PSME3IP1: variants seen among roughly 807,000 people sequenced by gnomAD.
The protein encoded by PSME3IP1 is PSME3-interacting protein.
In PSME3IP1, 13 loss-of-function variants were observed where a neutral mutation model predicts 34.1. That is an observed-to-expected ratio of 0.38 (90% CI 0.25 to 0.61). PSME3IP1 has a LOEUF of 0.61. Ranked by LOEUF, PSME3IP1 falls within the 20% of genes least tolerant of loss-of-function variation. The probability of loss-of-function intolerance (pLI) is 0.60; values close to 1 mark genes in which losing one functional copy is unlikely to be tolerated. For missense variants in PSME3IP1, 237 were observed against 301.4 expected (o/e 0.79, Z 1.58); for synonymous variants, 93 against 114.3 (o/e 0.81, Z 1.19).
intron 1 of PSME3IP1, 161 bp from the exon 2 acceptor site, chr16:57,174,030 T>C: frequency 1.5e-6 from 1 of 686,750 alleles, no homozygotes; most frequent in Non-Finnish European, 2.3e-6. Context: ...GTGCGGTGGC[T>C]CATGCCTGTA....
rs2074134427 is a variant in PSME3IP1 at position 57,185,847 on chromosome 16, C to G, written c.-42G>C. Reference sequence around the variant, plus strand: ...TACCGGCGCGCGGGAGGCGAGACGACCTCACCTCGGCGGCGCCCACCCCAA... The same window carrying G: ...TACCGGCGCGCGGGAGGCGAGACGAGCTCACCTCGGCGGCGCCCACCCCAA... On this transcript the variant is annotated 5_prime_UTR_variant, in exon 1 of 7. Coordinates refer to ENST00000309137, the MANE Select transcript of PSME3IP1 (RefSeq NM_024946.4). 2.0e-6 allele frequency: 2 copies of G among 985,106 alleles called. No homozygotes were observed. The allele number at this position is 985,106 out of a possible 1,614,324, so 61.0% of individuals were successfully genotyped here. A position where few individuals can be genotyped will look rare whatever the true frequency, so the allele number is the denominator to read the frequency against.
chr16:57,185,780 C>T (rs1337946176), intron 1 of PSME3IP1, 41 bp downstream of exon 1: 1 of 985,372 alleles, frequency 1.0e-6, no homozygotes, highest in Non-Finnish European at 1.2e-6. Flanking sequence ...GAAGCTGGAA[C>T]CCAGGTGTCG....
intron 5 of PSME3IP1, among the ~76,000 whole-genome samples, chr16:57,165,860 C>T (rs189157331): frequency 6.7e-4 from 102 of 152,176 alleles, no homozygotes; most frequent in Non-Finnish European, 1.1e-3. Context: ...CTAAGGGAAA[C>T]AGTTACAACA....
At position 57,154,272 on chromosome 16, in the gene PSME3IP1, T is replaced by C. The variant is rs1220151295; in HGVS notation, c.*18A>G. 10 of 1,611,908 alleles carry C rather than the reference T, an allele frequency of 6.2e-6. No individual in the cohort carries two copies. Among genetic ancestry groups the C allele is most frequent in the African/African-American group, 1.3e-5 (1 of 74,992 alleles). The stretch of plus-strand genomic sequence containing the variant: ...GATCTACCCTTGGGGAGGAGCTCCC[T>C]GTGTAGGGACGGAGAAACTAGGGGG... On this transcript the variant is annotated 3_prime_UTR_variant, in exon 7 of 7. Transcript: ENST00000309137. The surrounding 1 kb of genome is among the most constrained non-coding windows in gnomAD (Gnocchi z 4.0).
chr16:57,185,334 C>T lies in PSME3IP1; in HGVS notation c.-16+487G>A, dbSNP rs547292482. Among the ~76,000 whole-genome samples, 4 of 152,296 alleles carry T rather than the reference C, an allele frequency of 2.6e-5. No individual in the cohort carries two copies. The East Asian group carries it at 7.7e-4, about 29-fold the overall frequency. On this transcript the variant is annotated intron_variant, in intron 1 of 6. Coordinates refer to ENST00000309137, the MANE Select transcript of PSME3IP1 (RefSeq NM_024946.4). ...TTTGTTTCTTAAGTTTTCTGCAAAA[C>T]GGGCCAGCTGGCTTGTTTTCCGTAA...
intron 1 of PSME3IP1, among the ~76,000 whole-genome samples, chr16:57,182,162 T>C (rs1167627915): frequency 6.6e-6 from 1 of 152,086 alleles, no homozygotes; most frequent in African/African-American, 2.4e-5. Flanking sequence ...ACTAATCATT[T>C]TGGAGATTTC....
intron 5 of PSME3IP1, among the ~76,000 whole-genome samples, chr16:57,164,619 T>A (rs1279094000): frequency 1.3e-5 from 2 of 152,092 alleles, no homozygotes; most frequent in African/African-American, 4.8e-5. Flanking sequence ...AAAAATAATG[T>A]CTAGTTTGTG....
chr16:57,152,824 A>G lies in PSME3IP1; in HGVS notation c.*1466T>C, dbSNP rs1428998692. 1.3e-5 allele frequency: 2 copies of G among 152,644 alleles called. No individual in the cohort carries two copies. The allele number at this position is 152,644 out of a possible 1,614,324, so 9.5% of individuals were successfully genotyped here. On this transcript the variant is annotated 3_prime_UTR_variant, in exon 7 of 7. Transcript: ENST00000309137. ...TCTGAAAAGGAGGAAGAATTCACAA[A>G]GCATCAGTTATGGGTGCAGGGAAGT...
intron 1 of PSME3IP1, chr16:57,185,512 C>T (rs539188345): frequency 9.1e-6 from 9 of 985,448 alleles, no homozygotes; most frequent in African/African-American, 3.5e-5. Flanking sequence ...TGGAACGGAG[C>T]CTGCTACTCA....
chr16:57,161,185 G>A (rs1179287539), intron 6 of PSME3IP1, among the ~76,000 whole-genome samples: 2 of 152,200 alleles, frequency 1.3e-5, no homozygotes, highest in Admixed American at 6.5e-5. Context: ...ATGGAAATTC[G>A]AGACTCCAAA....
intron 4 of PSME3IP1, among the ~76,000 whole-genome samples, chr16:57,168,702 C>G (rs1409068647): frequency 6.8e-6 from 1 of 146,724 alleles, no homozygotes; most frequent in Non-Finnish European, 1.5e-5. Context: ...AGTCGGGAGG[C>G]TGAGCCAGGA....
intron 6 of PSME3IP1, among the ~76,000 whole-genome samples, chr16:57,158,591 A>T (rs1322338441): frequency 1.3e-5 from 2 of 152,102 alleles, no homozygotes; most frequent in Admixed American, 1.3e-4. Context: ...GTCTCAAAAT[A>T]AAAAAACAAA....
chr16:57,160,204 G>A (rs1597596675), intron 6 of PSME3IP1, among the ~76,000 whole-genome samples: 1 of 151,792 alleles, frequency 6.6e-6, no homozygotes, highest in East Asian at 1.9e-4. Context: ...GCAGGAGAAT[G>A]GCGTGAACCC....
intron 1 of PSME3IP1, among the ~76,000 whole-genome samples, chr16:57,181,245 A>G (rs2073683278): frequency 6.6e-6 from 1 of 152,178 alleles, no homozygotes; most frequent in African/African-American, 2.4e-5. Context: ...CTCACTATGC[A>G]TGAATGATTG....
At chr16:57,174,621 T>G in intron 1 of PSME3IP1, 5 of 985,468 alleles carry the variant, frequency 5.1e-6, no homozygotes, top group Non-Finnish European at 6.0e-6. Context: ...TTGATTCACC[T>G]GCTCTTGCCT....
intron 1 of PSME3IP1, among the ~76,000 whole-genome samples, chr16:57,176,152 C>T (rs904849158): frequency 6.6e-6 from 1 of 152,226 alleles, no homozygotes; most frequent in Admixed American, 6.5e-5. Context: ...AGAACAACCT[C>T]TTATGAAACC....
intron 6 of PSME3IP1, among the ~76,000 whole-genome samples, chr16:57,157,144 C>CA (rs35663324): frequency 3.4e-4 from 52 of 151,946 alleles, no homozygotes; most frequent in Middle Eastern, 3.4e-3. Flanking sequence ...TCTGTCTCTA[C>CA]AAAAAATTTA....
intron 5 of PSME3IP1, 92 bp from the exon 6 acceptor site, chr16:57,164,157 C>T: frequency 9.6e-7 from 1 of 1,036,502 alleles, no homozygotes; most frequent in Non-Finnish European, 1.5e-6. Context: ...TTATATGGGT[C>T]TTAGGCAGTC....
chr16:57,155,399 G>C (rs145552630), intron 6 of PSME3IP1, among the ~76,000 whole-genome samples: 1 of 152,292 alleles, frequency 6.6e-6, no homozygotes, highest in Non-Finnish European at 1.5e-5. Flanking sequence ...GAGATAGGAG[G>C]ACCACTTGAG....
Sources: allele counts gnomAD v4.1 joint callset (sites outside exome capture counted in the v4.1 genomes callset), GRCh38; gene constraint gnomAD v4.1.1; non-coding constraint Gnocchi (gnomAD v3.1); transcripts MANE v1.5; gene names NCBI Gene and HGNC (gene_info 2026-07-23, HGNC 2026-07-21).